The following SGPL1 variants were observed in gnomAD, a reference collection of about 807,000 sequenced individuals.
SGPL1 encodes the protein SP-lyase 1.
Under a neutral mutation model 68.9 loss-of-function variants are expected in SGPL1, and 37 were observed. That is an observed-to-expected ratio of 0.54 (90% CI 0.41 to 0.71). SGPL1 has a LOEUF of 0.71. SGPL1 is among the 30% of genes least tolerant of loss of function. SGPL1 has a pLI of 0.00. For missense variants in SGPL1, 551 were observed against 704.6 expected (o/e 0.78, Z 2.47); for synonymous variants, 236 against 248.5 (o/e 0.95, Z 0.47).
At position 70,854,871 on chromosome 10, in the gene SGPL1, T is replaced by C; in HGVS notation, c.409+16T>C. ...AGCTCTATGGGTATGATGCTTGGCA[T>C]ATACATGCTCTCTACTTCCTTAAAG... On this transcript the variant is annotated intron_variant, in intron 5 of 14. Coordinates refer to ENST00000373202, the MANE Select transcript of SGPL1 (RefSeq NM_003901.4). 2 of 1,581,806 alleles carry C rather than the reference T, an allele frequency of 1.3e-6. No homozygotes were observed. Among genetic ancestry groups the C allele is most frequent in the Non-Finnish European group, 1.7e-6 (2 of 1,167,424 alleles).
chr10:70,863,584 A>G (rs1846123506), intron 7 of SGPL1, among the ~76,000 whole-genome samples: 1 of 152,084 alleles, frequency 6.6e-6, no homozygotes, highest in Non-Finnish European at 1.5e-5. Context: ...CTCTTCTTCC[A>G]GAGAAGATTT....
At position 70,873,604 on chromosome 10, in the gene SGPL1, CTGGGGTTCTG is replaced by C; in HGVS notation, c.1298+16_1298+25del. On this transcript the variant is annotated intron_variant, in intron 12 of 14. Transcript: ENST00000373202. ...CTCAAGTCAGAGTATGTGTGGAAGA[CTGGGGTTCTG>C]CCTTGTCTATTGCTTTTTTGTCCTA... 1 of 1,577,480 alleles carries C rather than the reference CTGGGGTTCTG, an allele frequency of 6.3e-7. No homozygotes were observed. The highest frequency in any genetic ancestry group is 1.1e-5 in the South Asian group (1 of 90,414).
chr10:70,837,030 AT>A, intron 2 of SGPL1, among the ~76,000 whole-genome samples: 1 of 151,702 alleles, frequency 6.6e-6, no homozygotes, highest in South Asian at 2.1e-4. Flanking sequence ...AGATAAAATT[AT>A]TTTTATAAAA....
chr10:70,838,222 G>C (rs1005461706), intron 2 of SGPL1, among the ~76,000 whole-genome samples: 1 of 152,194 alleles, frequency 6.6e-6, no homozygotes, highest in Non-Finnish European at 1.5e-5. Context: ...TTCTCTTTTA[G>C]TAATATTCAT....
rs1445018334 is a variant in SGPL1 at position 70,878,535 on chromosome 10, GA to G, written c.*1202del. The G allele has an allele frequency of 6.6e-6, 1 of 152,136 alleles. No individual in the cohort carries two copies. Among genetic ancestry groups the G allele is most frequent in the African/African-American group, 2.4e-5 (1 of 41,420 alleles). 9.4% of individuals were successfully genotyped at this position (152,136 alleles called of 1,614,324 possible). A position where few individuals can be genotyped will look rare whatever the true frequency, so the allele number is the denominator to read the frequency against. On this transcript the variant is annotated 3_prime_UTR_variant, in exon 15 of 15. Coordinates refer to ENST00000373202, the MANE Select transcript of SGPL1 (RefSeq NM_003901.4). ...ATCAGACCTTTTTCTATGCTTTTTT[GA>G]ATATCAGAGTAGGATGAACACCCAG...
chr10:70,823,582 A>G (rs1845380626), intron 2 of SGPL1, among the ~76,000 whole-genome samples: 1 of 113,338 alleles, frequency 8.8e-6, no homozygotes, highest in Admixed American at 8.8e-5. Flanking sequence ...AAAAAAAAAA[A>G]GCTAATGGGA....
chr10:70,859,330 G>A, intron 6 of SGPL1, 41 bp from the exon 7 acceptor site: 1 of 1,358,064 alleles, frequency 7.4e-7, no homozygotes, highest in Non-Finnish European at 9.6e-7. Context: ...CCTGTATAGT[G>A]TAATAGTTTT....
At chr10:70,863,842 G>A (rs1416134102) in intron 7 of SGPL1, among the ~76,000 whole-genome samples, 1 of 152,122 alleles carries the variant, frequency 6.6e-6, no homozygotes, top group Non-Finnish European at 1.5e-5. Context: ...GTAGAGTGTG[G>A]TCTTTTTCCA....
intron 2 of SGPL1, among the ~76,000 whole-genome samples, chr10:70,828,030 T>A (rs1845465953): frequency 1.3e-5 from 2 of 152,218 alleles, no homozygotes; most frequent in Non-Finnish European, 2.9e-5. Context: ...TAATTTGTTC[T>A]GTAGTTGTAG....
At chr10:70,825,714 T>C (rs910384806) in intron 2 of SGPL1, among the ~76,000 whole-genome samples, 9 of 152,086 alleles carry the variant, frequency 5.9e-5, no homozygotes, top group African/African-American at 2.2e-4. Flanking sequence ...CTGTCAGGAG[T>C]GAGTGCTACA....
intron 2 of SGPL1, among the ~76,000 whole-genome samples, chr10:70,822,372 C>A (rs547491588): frequency 4.6e-5 from 7 of 152,292 alleles, no homozygotes; most frequent in Admixed American, 4.6e-4. Flanking sequence ...ATCCAAATCC[C>A]AGTATTTGAC....
intron 2 of SGPL1, among the ~76,000 whole-genome samples, chr10:70,818,899 C>G (rs1017169577): frequency 6.6e-6 from 1 of 152,056 alleles, no homozygotes; most frequent in Non-Finnish European, 1.5e-5. Context: ...GTTAATCTCC[C>G]CTATCTCCTA....
At chr10:70,827,820 C>T (rs1480940853) in intron 2 of SGPL1, among the ~76,000 whole-genome samples, 1 of 152,130 alleles carries the variant, frequency 6.6e-6, no homozygotes, top group African/African-American at 2.4e-5. Flanking sequence ...AATGTCCCTC[C>T]CAGTTGATAC....
intron 3 of SGPL1, among the ~76,000 whole-genome samples, chr10:70,848,232 T>C (rs911793754): frequency 1.3e-5 from 2 of 152,164 alleles, no homozygotes; most frequent in African/African-American, 4.8e-5. Flanking sequence ...TACCTAGTCA[T>C]GGGTAATATG....
intron 5 of SGPL1, chr10:70,857,078 A>C (rs1315323180): frequency 6.5e-6 from 1 of 154,840 alleles, no homozygotes; most frequent in Non-Finnish European, 1.4e-5. Context: ...CCGGCGTCTG[A>C]GACCGGGGTG....
Position 70,818,410 on chromosome 10 carries a change from C to T in SGPL1, c.27+1530C>T, listed in dbSNP as rs1015528500. Among the ~76,000 whole-genome samples, 8 of 152,282 alleles carry T rather than the reference C, an allele frequency of 5.3e-5. No individual in the cohort carries two copies. The East Asian group carries it at 5.8e-4, about 11-fold the overall frequency. ...GCTGGGATTACTTACAGGCGTGAGCCGCCGTGTCCAGCCAAGTTTGTTTGT... is the reference window on the plus strand; with the variant it reads ...GCTGGGATTACTTACAGGCGTGAGCTGCCGTGTCCAGCCAAGTTTGTTTGT... On this transcript the variant is annotated intron_variant, in intron 2 of 14. Transcript: ENST00000373202.
At chr10:70,839,565 T>C (rs914440151) in intron 2 of SGPL1, among the ~76,000 whole-genome samples, 2 of 152,136 alleles carry the variant, frequency 1.3e-5, no homozygotes, top group Non-Finnish European at 2.9e-5. Flanking sequence ...ACATAAAGAT[T>C]GATGAAATAA....
intron 5 of SGPL1, among the ~76,000 whole-genome samples, chr10:70,856,834 T>C (rs1845972457): frequency 6.6e-6 from 1 of 152,218 alleles, no homozygotes; most frequent in Admixed American, 6.5e-5. Context: ...CACAAGGACC[T>C]GAGACACCCA....
At position 70,875,470 on chromosome 10, in the gene SGPL1, G is replaced by A. The variant is rs752000977; in HGVS notation, c.1367G>A (p.Arg456His). ...PQLSVIALGS[R>H]DFDIYRLSNL... ...TTGTCAGTCATTGCTCTGGGATCCC[G>A]TGATTTTGACATCTACCGACTATCA... The change falls in exon 13 of 15, where the codon CGT becomes CAT. Residue 456 changes from arginine (R) to histidine (H), a missense_variant. Coordinates refer to ENST00000373202, the MANE Select transcript of SGPL1 (RefSeq NM_003901.4). The A allele has an allele frequency of 5.0e-6, 8 of 1,612,918 alleles. No individual in the cohort carries two copies. Among genetic ancestry groups the A allele is most frequent in the Non-Finnish European group, 2.5e-6 (3 of 1,178,974 alleles).
Sources: allele counts gnomAD v4.1 joint callset (sites outside exome capture counted in the v4.1 genomes callset), GRCh38; gene constraint gnomAD v4.1.1; transcripts MANE v1.5; gene names NCBI Gene and HGNC (gene_info 2026-07-23, HGNC 2026-07-21).